FNDC1: variants seen among roughly 807,000 people sequenced by gnomAD.
The protein encoded by FNDC1 is fibronectin type III domain containing 1, also known as fibronectin type III domain-containing protein 1.
In FNDC1, 96 loss-of-function variants were observed where a neutral mutation model predicts 168.0. That is an observed-to-expected ratio of 0.57 (90% CI 0.48 to 0.68). FNDC1 has a LOEUF of 0.68. Ranked by LOEUF, FNDC1 falls within the 30% of genes least tolerant of loss-of-function variation. The pLI is 0.00. For synonymous variants in FNDC1, 1,099 were observed against 1,025.9 expected (o/e 1.07, Z -1.36); for missense variants, 2,587 against 2,482.1 (o/e 1.04, Z -0.90).
At chr6:159,216,545 G>A (rs889452137) in intron 5 of FNDC1, among the ~76,000 whole-genome samples, 2 of 152,160 alleles carry the variant, frequency 1.3e-5, no homozygotes, top group African/African-American at 4.8e-5. Flanking sequence ...GATGCTTCCT[G>A]CTTGTGGAGA....
intron 17 of FNDC1, among the ~76,000 whole-genome samples, chr6:159,255,305 C>G (rs757589168): frequency 1.3e-5 from 2 of 152,204 alleles, no homozygotes; most frequent in Non-Finnish European, 2.9e-5. Context: ...AGGATTCCCA[C>G]TACCTGGAAT....
At chr6:159,230,182 G>T (rs745819852) in intron 10 of FNDC1, among the ~76,000 whole-genome samples, 179 bp downstream of exon 10, 2 of 152,100 alleles carry the variant, frequency 1.3e-5, no homozygotes, top group African/African-American at 4.8e-5. Context: ...TCTTCTCAAA[G>T]ATTAAAATGT....
chr6:159,184,864 A>T (rs2114929045), intron 1 of FNDC1, among the ~76,000 whole-genome samples: 1 of 152,196 alleles, frequency 6.6e-6, no homozygotes, highest in South Asian at 2.1e-4. Context: ...GTGCGAAAAA[A>T]TTCCACAAAA....
At chr6:159,177,057 A>G (rs1306628618) in intron 1 of FNDC1, among the ~76,000 whole-genome samples, 1 of 152,070 alleles carries the variant, frequency 6.6e-6, no homozygotes, top group African/African-American at 2.4e-5. Flanking sequence ...GGTAGGATTG[A>G]TTTATAGTGC....
intron 1 of FNDC1, among the ~76,000 whole-genome samples, chr6:159,195,979 A>G (rs965417019): frequency 6.6e-6 from 1 of 152,220 alleles, no homozygotes; most frequent in African/African-American, 2.4e-5. Context: ...CACACCTTTT[A>G]GTCAGTGTGA....
intron 17 of FNDC1, 75 bp downstream of exon 17, chr6:159,251,607 G>A (rs1777267008): frequency 7.8e-7 from 1 of 1,279,278 alleles, no homozygotes; most frequent in Non-Finnish European, 1.1e-6. Flanking sequence ...TGGTGGATGA[G>A]TGGATGGGTG....
At chr6:159,262,279 C>A (rs950778754) in intron 19 of FNDC1, among the ~76,000 whole-genome samples, 1 of 152,162 alleles carries the variant, frequency 6.6e-6, no homozygotes, top group African/African-American at 2.4e-5. Context: ...CTTCTACATG[C>A]AGTCTGAGCC....
Position 159,232,647 on chromosome 6 carries a change from C to A in FNDC1, c.2135C>A (p.Ala712Asp). 1 of 1,613,014 alleles carries A rather than the reference C, an allele frequency of 6.2e-7. No individual in the cohort carries two copies. Residue 712 changes from alanine to aspartate, a missense_variant, in exon 11 of 23, where the codon GCC (alanine) becomes GAC (aspartate). By Grantham distance (126) the Ala-to-Asp change is moderately radical. Coordinates refer to ENST00000297267, the MANE Select transcript of FNDC1 (RefSeq NM_032532.3). The surrounding 1 kb of genome is among the most constrained non-coding windows in gnomAD (Gnocchi z 4.9). ...GGGGCCGCAGAGGAAGATTCCAGTGCCTCAGCCCCACCCTCAAGACTTTCT... is the reference window on the plus strand; with the variant it reads ...GGGGCCGCAGAGGAAGATTCCAGTGACTCAGCCCCACCCTCAAGACTTTCT... ...HSGAAEEDSS[A>D]SAPPSRLSPP...
chr6:159,236,625 C>T (rs1205725810), intron 12 of FNDC1, among the ~76,000 whole-genome samples: 4 of 152,150 alleles, frequency 2.6e-5, no homozygotes, highest in Non-Finnish European at 4.4e-5. Flanking sequence ...AATGGATGGC[C>T]GTTCAAAGGA....
chr6:159,251,736 C>T (rs999255869), intron 17 of FNDC1, among the ~76,000 whole-genome samples: 14 of 152,140 alleles, frequency 9.2e-5, no homozygotes, highest in African/African-American at 3.4e-4. Flanking sequence ...AGGGTAAGGA[C>T]TACTGGATGG....
chr6:159,222,794 A>C (rs1245605261), intron 6 of FNDC1, among the ~76,000 whole-genome samples: 3 of 152,168 alleles, frequency 2.0e-5, no homozygotes, highest in Admixed American at 1.3e-4. Context: ...ATGATCATCA[A>C]GGAAATGTGA....
At chr6:159,259,748 G>A (rs114924961) in intron 18 of FNDC1, among the ~76,000 whole-genome samples, 7 of 152,296 alleles carry the variant, frequency 4.6e-5, no homozygotes, top group African/African-American at 1.7e-4. Context: ...AGTGAATTGA[G>A]ATTTGGAAAC....
Position 159,232,717 on chromosome 6 carries a change from C to T in FNDC1, c.2205C>T (p.His735=). 7 of 1,613,920 alleles carry T rather than the reference C, an allele frequency of 4.3e-6. No individual in the cohort carries two copies. Among genetic ancestry groups the T allele is most frequent in the Non-Finnish European group, 5.9e-6 (7 of 1,179,876 alleles). The part of the protein sequence containing the change: ...GSSRLLPTQP[H]LSSPLSKGGK... ...CTCGGCTGCTGCCCACCCAGCCACA[C>T]CTGAGCTCTCCACTTTCCAAGGGCG... The change falls in exon 11 of 23, where the codon CAC becomes CAT. Residue 735 remains histidine, a synonymous_variant. Coordinates refer to ENST00000297267, the MANE Select transcript of FNDC1 (RefSeq NM_032532.3). The surrounding 1 kb of genome is among the most constrained non-coding windows in gnomAD (Gnocchi z 4.9).
intron 5 of FNDC1, among the ~76,000 whole-genome samples, chr6:159,219,046 C>CT (rs11435161): frequency 0.32 from 47,090 of 146,510 alleles, 8,405 homozygotes; most frequent in East Asian, 0.66. Context: ...AGTTTCCCCT[C>CT]TTTTTTTTTT....
Position 159,169,686 on chromosome 6 carries a change from C to T in FNDC1, c.90C>T (p.Ala30=), listed in dbSNP as rs1461822659. 2.3e-5 allele frequency: 27 copies of T among 1,162,064 alleles called. No homozygotes were observed. The Admixed American group carries it at 9.4e-4, about 41-fold the overall frequency. The allele number at this position is 1,162,064 out of a possible 1,614,324, so 72.0% of individuals were successfully genotyped here. A position where few individuals can be genotyped will look rare whatever the true frequency, so the allele number is the denominator to read the frequency against. The change falls in exon 1 of 23, where the codon GCC becomes GCT. Residue 30 remains alanine, a synonymous_variant. Transcript: ENST00000297267. This position sits in a 1 kb window ranked among gnomAD's most constrained non-coding sequence, Gnocchi z 6.8. ...TCTTGGCCGCGCTGCTCCCCGTCGC[C>T]TCCTCGGCGGCGGCCTCAGGTACGC... The part of the protein sequence containing the change: ...LLLLAALLPV[A]SSAAASVDHP...
chr6:159,230,288 C>T (rs1462063569), intron 10 of FNDC1, among the ~76,000 whole-genome samples: 1 of 152,036 alleles, frequency 6.6e-6, no homozygotes, highest in Non-Finnish European at 1.5e-5. Flanking sequence ...CTTGTGGTAA[C>T]AGGGAAAGAA....
Position 159,233,036 on chromosome 6 carries a change from C to T in FNDC1, c.2524C>T (p.Arg842Trp), listed in dbSNP as rs777571947. ...CAGGTTCAGCATTGGGCGGGGACCT[C>T]GGCTGCAGCCCTCCAGCTCCCCACA... The part of the protein sequence containing the change: ...PSRFSIGRGP[R>W]LQPSSSPQST... Residue 842 changes from arginine (R) to tryptophan (W), a missense_variant, in exon 11 of 23, where the codon CGG (arginine) becomes TGG (tryptophan). Coordinates refer to ENST00000297267, the MANE Select transcript of FNDC1 (RefSeq NM_032532.3). The surrounding 1 kb of genome is among the most constrained non-coding windows in gnomAD (Gnocchi z 4.6). The T allele has an allele frequency of 1.9e-6, 3 of 1,611,588 alleles. No individual in the cohort carries two copies. The highest frequency in any genetic ancestry group is 1.7e-5 in the Admixed American group (1 of 59,758).
chr6:159,267,161 G>A (rs1777609514), intron 21 of FNDC1, among the ~76,000 whole-genome samples: 4 of 151,782 alleles, frequency 2.6e-5, no homozygotes, highest in African/African-American at 2.4e-5. Context: ...TCCCTCCTTC[G>A]ACCCCAACCC....
intron 9 of FNDC1, 80 bp downstream of exon 9, chr6:159,226,660 A>G: frequency 1.8e-6 from 2 of 1,114,192 alleles, no homozygotes; most frequent in Non-Finnish European, 2.6e-6. Flanking sequence ...GTTGACTGAA[A>G]AAGAAATAGG....
Sources: gnomAD v4.1 joint callset for allele counts (sites outside exome capture counted in the v4.1 genomes callset) on GRCh38, gnomAD v4.1.1 for gene constraint, Gnocchi (gnomAD v3.1) non-coding constraint, MANE v1.5 for transcripts, NCBI Gene and HGNC (gene_info 2026-07-23, HGNC 2026-07-21) for gene names.